Variants in OSBPL11 observed in about 807,000 individuals in gnomAD.
The protein encoded by OSBPL11 is oxysterol-binding protein-related protein 11.
Under a neutral mutation model 84.4 loss-of-function variants are expected in OSBPL11, and 33 were observed. The ratio of observed to expected loss-of-function variants is 0.39; its 90% CI spans 0.30 to 0.52. The LOEUF (loss-of-function observed/expected upper bound fraction) is 0.52. OSBPL11 is among the 20% of genes least tolerant of loss of function. The pLI, the probability that OSBPL11 is intolerant of heterozygous loss-of-function variation, is 0.72. For missense variants in OSBPL11, 736 were observed against 901.1 expected (o/e 0.82, Z 2.35); for synonymous variants, 276 against 310.2 (o/e 0.89, Z 1.16).
chr3:125,580,810 G>T (rs921979816), intron 2 of OSBPL11, among the ~76,000 whole-genome samples: 3 of 152,102 alleles, frequency 2.0e-5, no homozygotes, highest in Non-Finnish European at 4.4e-5. Flanking sequence ...TGTGATTTAA[G>T]AATTAGTGAA....
chr3:125,536,961 C>T (rs1201528845), intron 11 of OSBPL11, among the ~76,000 whole-genome samples: 1 of 151,888 alleles, frequency 6.6e-6, no homozygotes, highest in East Asian at 1.9e-4. Context: ...AAGTTCACGA[C>T]CAGCCTGGCC....
chr3:125,572,928 C>T (rs919255309), intron 5 of OSBPL11, among the ~76,000 whole-genome samples: 14 of 140,188 alleles, frequency 1.0e-4, no homozygotes, highest in Non-Finnish European at 1.8e-4. Flanking sequence ...TATATATACA[C>T]ACACACACAT....
chr3:125,587,321 A>G (rs1299806698), intron 1 of OSBPL11, among the ~76,000 whole-genome samples: 1 of 152,234 alleles, frequency 6.6e-6, no homozygotes, highest in Non-Finnish European at 1.5e-5. Flanking sequence ...GGGATCGCAG[A>G]GAAATTTTGG....
intron 7 of OSBPL11, among the ~76,000 whole-genome samples, chr3:125,562,353 TAATA>T (rs1250790876): frequency 1.3e-5 from 2 of 152,208 alleles, no homozygotes; most frequent in African/African-American, 2.4e-5. Context: ...ATACTAAGCT[TAATA>T]AATACTTACT....
intron 11 of OSBPL11, among the ~76,000 whole-genome samples, chr3:125,538,130 G>A (rs1269136209): frequency 1.3e-5 from 2 of 151,990 alleles, no homozygotes; most frequent in Admixed American, 6.6e-5. Context: ...TTTTTGTATT[G>A]GGGTGCCTGA....
chr3:125,590,932 T>C (rs1224505733), intron 1 of OSBPL11, among the ~76,000 whole-genome samples: 1 of 152,204 alleles, frequency 6.6e-6, no homozygotes, highest in African/African-American at 2.4e-5. Context: ...ACATGCAATA[T>C]ATAACTTCAT....
intron 11 of OSBPL11, among the ~76,000 whole-genome samples, chr3:125,537,719 C>T (rs1236684525): frequency 2.0e-5 from 3 of 152,078 alleles, no homozygotes; most frequent in African/African-American, 7.2e-5. Flanking sequence ...TTATGTCCCT[C>T]ATGACATAAA....
rs1936653375 is a variant in OSBPL11 at position 125,594,709 on chromosome 3, T to G, written c.92A>C (p.Asn31Thr). Residue 31 changes from asparagine (N) to threonine (T), a missense_variant, in exon 1 of 13, where the codon AAC (asparagine) becomes ACC (threonine). By Grantham distance (65) the Asn-to-Thr change is moderately conservative. Coordinates refer to ENST00000296220, the MANE Select transcript of OSBPL11 (RefSeq NM_022776.5). ...ACTGATTCCACCTCCACAGCTGCTG[T>G]TCTTGTTCGGGGTCACCGCTGTGGC... ...GQATAVTPNK[N>T]SSCGGGISSS... is the part of the protein sequence containing the mutation. The G allele has an allele frequency of 6.2e-7, 1 of 1,614,190 alleles. No individual in the cohort carries two copies.
At chr3:125,578,677 A>G (rs2107608451) in intron 4 of OSBPL11, among the ~76,000 whole-genome samples, 1 of 152,284 alleles carries the variant, frequency 6.6e-6, no homozygotes, top group East Asian at 1.9e-4. Flanking sequence ...AGGCTGAGAC[A>G]GGAAAATCAC....
chr3:125,574,832 T>C (rs1319758754), intron 5 of OSBPL11, among the ~76,000 whole-genome samples: 5 of 152,178 alleles, frequency 3.3e-5, no homozygotes, highest in African/African-American at 9.7e-5. Context: ...AAATGACTAA[T>C]GCATGCCTGC....
At chr3:125,555,815 G>A (rs1292213849) in intron 8 of OSBPL11, among the ~76,000 whole-genome samples, 1 of 152,110 alleles carries the variant, frequency 6.6e-6, no homozygotes, top group African/African-American at 2.4e-5. Context: ...CTCCTGAATG[G>A]CTGGGATTAC....
chr3:125,583,580 C>CAA (rs1936460466), intron 1 of OSBPL11, among the ~76,000 whole-genome samples: 1 of 58,738 alleles, frequency 1.7e-5, no homozygotes, highest in Non-Finnish European at 2.9e-5. Flanking sequence ...GACTCCGTCT[C>CAA]CAAAAAAAAA....
chr3:125,567,913 G>A (rs1012141423), intron 5 of OSBPL11, among the ~76,000 whole-genome samples: 8 of 150,734 alleles, frequency 5.3e-5, no homozygotes, highest in Non-Finnish European at 1.2e-4. Context: ...AGGATCACTT[G>A]AGCCCAGGAG....
intron 5 of OSBPL11, among the ~76,000 whole-genome samples, chr3:125,571,405 A>C (rs142183733): frequency 1.3e-4 from 20 of 152,330 alleles, no homozygotes; most frequent in African/African-American, 4.6e-4. Flanking sequence ...TGGCTGCAGA[A>C]ATTTGCATAA....
intron 1 of OSBPL11, among the ~76,000 whole-genome samples, chr3:125,590,411 G>T (rs1426363681): frequency 2.6e-5 from 4 of 152,238 alleles, no homozygotes; most frequent in Admixed American, 2.6e-4. Context: ...TCAGCCGGGT[G>T]TGGTGGCAAG....
chr3:125,590,448 G>A (rs571471787), intron 1 of OSBPL11, among the ~76,000 whole-genome samples: 10 of 152,262 alleles, frequency 6.6e-5, no homozygotes, highest in African/African-American at 2.2e-4. Flanking sequence ...TACTTGGGAA[G>A]CTGAGGCAGG....
At chr3:125,576,848 T>C (rs1936332734) in intron 4 of OSBPL11, among the ~76,000 whole-genome samples, 1 of 152,180 alleles carries the variant, frequency 6.6e-6, no homozygotes, top group African/African-American at 2.4e-5. Flanking sequence ...CATGCCCAGT[T>C]AATTTTTGTA....
chr3:125,542,333 TTTC>T lies in OSBPL11; in HGVS notation c.1842-3703_1842-3701del, dbSNP rs1318308373. On this transcript the variant is annotated intron_variant, in intron 10 of 12. Transcript: ENST00000296220. ...ATGGAAAGCGATGCTTTTTCTTTTC[TTTC>T]TTTTTTTTTTGAGATGCAGTTCCGT... Among the ~76,000 whole-genome samples, 54 of 83,414 alleles carry T rather than the reference TTTC, an allele frequency of 6.5e-4. No individual in the cohort carries two copies. In the East Asian group the frequency reaches 0.01, roughly 16 times the overall value. 54.7% of individuals were successfully genotyped at this position (83,414 alleles called of 152,430 possible).
chr3:125,560,814 C>T (rs907328897), intron 7 of OSBPL11, among the ~76,000 whole-genome samples: 3 of 152,112 alleles, frequency 2.0e-5, no homozygotes, highest in Non-Finnish European at 4.4e-5. Context: ...AATGTCTCCT[C>T]CAGCCTCCAG....
Sources: gnomAD v4.1 joint callset for allele counts (sites outside exome capture counted in the v4.1 genomes callset) on GRCh38, gnomAD v4.1.1 for gene constraint, MANE v1.5 for transcripts, NCBI Gene and HGNC (gene_info 2026-07-23, HGNC 2026-07-21) for gene names.